The following GALNT17 variants were observed in gnomAD, a reference collection of about 807,000 sequenced individuals.
GALNT17 encodes the protein UDP-GalNAc:polypeptide N-acetylgalactosaminyltransferase-like 3.
A neutral mutation model predicts 63.7 loss-of-function variants in GALNT17; 29 were observed. That is an observed-to-expected ratio of 0.46 (90% CI 0.34 to 0.62). The LOEUF is 0.62. GALNT17 is among the 20% of genes least tolerant of loss of function. GALNT17 has a pLI of 0.01. For missense variants in GALNT17, 603 were observed against 799.6 expected (o/e 0.75, Z 2.97); for synonymous variants, 305 against 318.3 (o/e 0.96, Z 0.45).
At chr7:71,149,569 C>T (rs1167456042) in intron 1 of GALNT17, among the ~76,000 whole-genome samples, 1 of 152,054 alleles carries the variant, frequency 6.6e-6, no homozygotes, top group African/African-American at 2.4e-5. Flanking sequence ...AGTAGTCACT[C>T]GTGTGAAAAG....
At chr7:71,463,722 G>A (rs947290261) in intron 5 of GALNT17, among the ~76,000 whole-genome samples, 1 of 152,144 alleles carries the variant, frequency 6.6e-6, no homozygotes, top group Non-Finnish European at 1.5e-5. Flanking sequence ...GACCACATAG[G>A]GTAACTTCCG....
chr7:71,456,116 C>G (rs370386160), intron 5 of GALNT17, among the ~76,000 whole-genome samples: 1 of 151,986 alleles, frequency 6.6e-6, no homozygotes. Flanking sequence ...CGTGGTGCCA[C>G]GTGCCTGTAG....
At chr7:71,272,889 T>A (rs28540223) in intron 1 of GALNT17, among the ~76,000 whole-genome samples, 67,656 of 151,608 alleles carry the variant, frequency 0.45, 16,905 homozygotes, top group Non-Finnish European at 0.54. Context: ...AGATATAGAG[T>A]TAATCATGTC....
chr7:71,473,475 T>G (rs1787674559), intron 5 of GALNT17, among the ~76,000 whole-genome samples: 1 of 152,146 alleles, frequency 6.6e-6, no homozygotes. Context: ...TCCTTCAGGG[T>G]CTGGCATGTG....
At chr7:71,404,782 A>G (rs1396040384) in intron 3 of GALNT17, among the ~76,000 whole-genome samples, 1 of 152,190 alleles carries the variant, frequency 6.6e-6, no homozygotes, top group African/African-American at 2.4e-5. Flanking sequence ...GATTCCCTGG[A>G]TGCCCACTCT....
chr7:71,618,569 T>G (rs944473840), intron 6 of GALNT17, among the ~76,000 whole-genome samples: 1 of 152,222 alleles, frequency 6.6e-6, no homozygotes, highest in Non-Finnish European at 1.5e-5. Context: ...TCATTAGTTA[T>G]GCTCACCATT....
chr7:71,450,419 A>C (rs2116547653), intron 5 of GALNT17, among the ~76,000 whole-genome samples: 1 of 152,332 alleles, frequency 6.6e-6, no homozygotes, highest in South Asian at 2.1e-4. Context: ...GGCATGAGCC[A>C]GTGCACCTGG....
At chr7:71,227,602 AG>A (rs1192630512) in intron 1 of GALNT17, among the ~76,000 whole-genome samples, 1 of 152,124 alleles carries the variant, frequency 6.6e-6, no homozygotes, top group Non-Finnish European at 1.5e-5. Context: ...CCCCCTTGCT[AG>A]ATGGCTTAAT....
intron 2 of GALNT17, among the ~76,000 whole-genome samples, chr7:71,376,099 A>AG (rs1264305323): frequency 1.3e-5 from 2 of 151,212 alleles, no homozygotes; most frequent in East Asian, 3.9e-4. Context: ...AAAAAGAAAA[A>AG]GAAAAAAAAG....
intron 1 of GALNT17, among the ~76,000 whole-genome samples, chr7:71,223,686 G>T (rs565618494): frequency 6.7e-4 from 102 of 152,132 alleles, no homozygotes; most frequent in African/African-American, 2.4e-3. Context: ...TAGTTACCTT[G>T]TCTGCTCCTC....
At chr7:71,536,037 A>G (rs2116792913) in intron 5 of GALNT17, among the ~76,000 whole-genome samples, 1 of 152,350 alleles carries the variant, frequency 6.6e-6, no homozygotes, top group Non-Finnish European at 1.5e-5. Flanking sequence ...AATTCAGCCT[A>G]GCAACTCATT....
chr7:71,545,925 A>G (rs1788975952), intron 5 of GALNT17, among the ~76,000 whole-genome samples: 1 of 152,130 alleles, frequency 6.6e-6, no homozygotes, highest in Admixed American at 6.6e-5. Flanking sequence ...CTGTGCATGT[A>G]CATTTCTAGG....
intron 9 of GALNT17, among the ~76,000 whole-genome samples, chr7:71,685,948 ATTTTTT>A (rs3062958): frequency 2.8e-3 from 165 of 59,796 alleles, no homozygotes; most frequent in East Asian, 7.5e-3. Flanking sequence ...GGCAATTACT[ATTTTTT>A]TTTTTTTTTT....
At chr7:71,577,257 G>T (rs1054243906) in intron 6 of GALNT17, among the ~76,000 whole-genome samples, 1 of 152,080 alleles carries the variant, frequency 6.6e-6, no homozygotes, top group Non-Finnish European at 1.5e-5. Context: ...CTACCTATTG[G>T]GTACTATGTT....
intron 6 of GALNT17, among the ~76,000 whole-genome samples, chr7:71,651,240 A>AAG (rs1364648940): frequency 1.3e-5 from 2 of 150,302 alleles, no homozygotes; most frequent in Admixed American, 1.3e-4. Flanking sequence ...AAAAAAAAAA[A>AAG]AGGAAGGGAG....
chr7:71,544,656 T>C (rs1159078143), intron 5 of GALNT17, among the ~76,000 whole-genome samples: 1 of 152,102 alleles, frequency 6.6e-6, no homozygotes, highest in Non-Finnish European at 1.5e-5. Context: ...AGTAGTTGAC[T>C]TCACACTTCA....
intron 6 of GALNT17, among the ~76,000 whole-genome samples, chr7:71,654,768 G>T (rs918714202): frequency 6.6e-6 from 1 of 152,080 alleles, no homozygotes; most frequent in Non-Finnish European, 1.5e-5. Context: ...CACCGGGAGG[G>T]TTTTATTTTA....
At chr7:71,536,447 G>A (rs1788803539) in intron 5 of GALNT17, among the ~76,000 whole-genome samples, 1 of 152,192 alleles carries the variant, frequency 6.6e-6, no homozygotes, top group Non-Finnish European at 1.5e-5. Flanking sequence ...GACTGGGAAG[G>A]AAAAGAGGCT....
intron 2 of GALNT17, among the ~76,000 whole-genome samples, chr7:71,384,884 C>T (rs933838914): frequency 6.6e-6 from 1 of 152,152 alleles, no homozygotes; most frequent in Non-Finnish European, 1.5e-5. Flanking sequence ...TGGAGCTCAC[C>T]GTCCCCACCT....
Sources: gnomAD v4.1 joint callset for allele counts (sites outside exome capture counted in the v4.1 genomes callset) on GRCh38, gnomAD v4.1.1 for gene constraint, MANE v1.5 for transcripts, NCBI Gene and HGNC (gene_info 2026-07-23, HGNC 2026-07-21) for gene names.